The following KCNU1 variants were observed in gnomAD, a reference collection of about 807,000 sequenced individuals.
KCNU1 encodes potassium calcium-activated channel subfamily U member 1, also known as potassium channel subfamily U member 1.
Under a neutral mutation model 126.8 loss-of-function variants are expected in KCNU1, and 93 were observed. That is an observed-to-expected ratio of 0.73 (90% CI 0.62 to 0.87). KCNU1 has a LOEUF of 0.87. Ranked by LOEUF, KCNU1 falls within the 40% of genes least tolerant of loss-of-function variation. The probability of loss-of-function intolerance (pLI) is 0.00; values close to 1 mark genes in which losing one functional copy is unlikely to be tolerated. For missense variants in KCNU1, 1,330 were observed against 1,367.1 expected (o/e 0.97, Z 0.43); for synonymous variants, 523 against 494.2 (o/e 1.06, Z -0.77).
At chr8:36,860,726 T>C (rs1805698891) in intron 18 of KCNU1, among the ~76,000 whole-genome samples, 1 of 152,128 alleles carries the variant, frequency 6.6e-6, no homozygotes, top group Non-Finnish European at 1.5e-5. Flanking sequence ...GAGTCTGCAT[T>C]AAAATGCTAA....
Position 36,841,007 on chromosome 8 carries a change from C to A in KCNU1, c.1703+4C>A, listed in dbSNP as rs765833546. The A allele has an allele frequency of 2.7e-6, 4 of 1,469,234 alleles. No homozygotes were observed. Among genetic ancestry groups the A allele is most frequent in the Non-Finnish European group, 1.9e-6 (2 of 1,048,356 alleles). The allele number at this position is 1,469,234 out of a possible 1,614,324, so 91.0% of individuals were successfully genotyped here. On this transcript the variant is annotated splice_donor_region_variant and intron_variant, in intron 16 of 26. Transcript: ENST00000399881. ...CCCTCTTTACGGATGGTTTCTGGTA[C>A]CAATAAGTCTGCTCATCTCTTCAGT...
At position 36,791,527 on chromosome 8, in the gene KCNU1, T is replaced by TAG. The variant is rs1450512066; in HGVS notation, c.315+4102_315+4103insAG. Among the ~76,000 whole-genome samples, 61 of 152,272 alleles carry TAG rather than the reference T, an allele frequency of 4.0e-4. No individual in the cohort carries two copies. In the East Asian group the frequency reaches 0.01, roughly 26 times the overall value. On this transcript the variant is annotated intron_variant, in intron 2 of 26. Coordinates refer to ENST00000399881, the MANE Select transcript of KCNU1 (RefSeq NM_001031836.3). The stretch of plus-strand genomic sequence containing the variant: ...TTTGTATTCTGCCTTAAATCCTTTC[T>TAG]GTAAATGCATAACCTTTTCTGTGAA...
At chr8:36,857,439 G>A (rs1048674872) in intron 18 of KCNU1, among the ~76,000 whole-genome samples, 48 of 152,160 alleles carry the variant, frequency 3.2e-4, no homozygotes, top group Admixed American at 2.6e-4. Flanking sequence ...GAGGGAGGGG[G>A]AGCCCTGCAT....
At chr8:36,895,699 T>A (rs1425716437) in intron 19 of KCNU1, among the ~76,000 whole-genome samples, 1 of 152,146 alleles carries the variant, frequency 6.6e-6, no homozygotes, top group African/African-American at 2.4e-5. Flanking sequence ...GTAGATATAT[T>A]TTCTGATCTC....
intron 23 of KCNU1, among the ~76,000 whole-genome samples, chr8:36,919,868 G>A (rs1274568426): frequency 1.3e-5 from 2 of 152,180 alleles, no homozygotes; most frequent in Non-Finnish European, 2.9e-5. Context: ...AACAAAGCAG[G>A]GGAACTTAGA....
intron 22 of KCNU1, among the ~76,000 whole-genome samples, chr8:36,913,447 A>G (rs1016807269): frequency 3.3e-5 from 5 of 152,114 alleles, no homozygotes; most frequent in African/African-American, 1.2e-4. Flanking sequence ...GATGAAAGAA[A>G]AGGTTAGAGA....
At chr8:36,892,566 C>T (rs1807010174) in intron 19 of KCNU1, among the ~76,000 whole-genome samples, 1 of 143,162 alleles carries the variant, frequency 7.0e-6, no homozygotes, top group South Asian at 2.2e-4. Flanking sequence ...GAAAGCCAGG[C>T]ATTTTAAATA....
chr8:36,805,818 A>G (rs1355314131), intron 4 of KCNU1, among the ~76,000 whole-genome samples: 1 of 152,118 alleles, frequency 6.6e-6, no homozygotes, highest in Admixed American at 6.6e-5. Context: ...ACATATATGT[A>G]TGTATATATA....
At chr8:36,806,119 C>G (rs1803492477) in intron 4 of KCNU1, 150 bp from the exon 5 acceptor site, 2 of 506,878 alleles carry the variant, frequency 3.9e-6, no homozygotes, top group Non-Finnish European at 6.9e-6. Context: ...ATCCACATAG[C>G]ATATAAATAT....
chr8:36,930,712 T>C (rs1437586799), intron 24 of KCNU1, among the ~76,000 whole-genome samples: 1 of 152,144 alleles, frequency 6.6e-6, no homozygotes, highest in Admixed American at 6.6e-5. Flanking sequence ...TCATCCGAAG[T>C]GTAATCTCCA....
At chr8:36,846,531 C>T (rs781455644) in intron 18 of KCNU1, among the ~76,000 whole-genome samples, 3 of 152,132 alleles carry the variant, frequency 2.0e-5, no homozygotes, top group Non-Finnish European at 2.9e-5. Flanking sequence ...CAGTCGGGCA[C>T]GGTGGCTCAC....
At chr8:36,864,978 G>C (rs758732074) in intron 19 of KCNU1, among the ~76,000 whole-genome samples, 2 of 152,070 alleles carry the variant, frequency 1.3e-5, no homozygotes, top group Non-Finnish European at 2.9e-5. Context: ...CCACTAACCA[G>C]AAAGAAGAGT....
rs991159703 is a variant in KCNU1 at position 36,903,283 on chromosome 8, T to G, written c.2010-2425T>G. 7.2e-5 allele frequency among the ~76,000 whole-genome samples: 11 copies of G among 152,290 alleles called. 1 individual carries two copies. In the East Asian group the frequency reaches 2.1e-3, roughly 29 times the overall value. On this transcript the variant is annotated intron_variant, in intron 19 of 26. Transcript: ENST00000399881. ...AAAGCAAAATTGCTTGTCATTATGTTGAGGTCTGAGTTTGGGGGTGAGGCA... is the reference window on the plus strand; with the variant it reads ...AAAGCAAAATTGCTTGTCATTATGTGGAGGTCTGAGTTTGGGGGTGAGGCA...
chr8:36,843,218 A>G (rs1009635834), intron 16 of KCNU1, among the ~76,000 whole-genome samples: 2 of 152,152 alleles, frequency 1.3e-5, no homozygotes, highest in Non-Finnish European at 2.9e-5. Context: ...TTTAGCAACT[A>G]ATCTCACGTA....
intron 24 of KCNU1, among the ~76,000 whole-genome samples, chr8:36,925,229 A>T (rs1808494346): frequency 6.6e-6 from 1 of 152,202 alleles, no homozygotes; most frequent in Admixed American, 6.5e-5. Context: ...TCATTGCATG[A>T]GATCACAACA....
chr8:36,861,802 T>C (rs984941261), intron 18 of KCNU1, among the ~76,000 whole-genome samples: 1 of 152,234 alleles, frequency 6.6e-6, no homozygotes, highest in Non-Finnish European at 1.5e-5. Context: ...GCTATCCATA[T>C]GGAAATCACA....
intron 2 of KCNU1, among the ~76,000 whole-genome samples, chr8:36,799,460 G>A (rs527576255): frequency 6.6e-6 from 1 of 151,330 alleles, no homozygotes; most frequent in Non-Finnish European, 1.5e-5. Flanking sequence ...TTTTTGGGAG[G>A]GGGGGCAGGG....
intron 18 of KCNU1, among the ~76,000 whole-genome samples, chr8:36,849,207 AC>A (rs915050880): frequency 3.9e-5 from 6 of 152,112 alleles, no homozygotes; most frequent in African/African-American, 1.4e-4. Context: ...CACAAAAAAA[AC>A]AAAACGAAAA....
At chr8:36,905,569 A>T in intron 19 of KCNU1, 139 bp from the exon 20 acceptor site, 2 of 635,560 alleles carry the variant, frequency 3.1e-6, no homozygotes, top group South Asian at 3.6e-5. Flanking sequence ...CCTTTATTCT[A>T]GAGTCTTACA....
Sources: gnomAD v4.1 joint callset for allele counts (sites outside exome capture counted in the v4.1 genomes callset) on GRCh38, gnomAD v4.1.1 for gene constraint, MANE v1.5 for transcripts, NCBI Gene and HGNC (gene_info 2026-07-23, HGNC 2026-07-21) for gene names.